The following USH2A variants were observed in gnomAD, a reference collection of about 807,000 sequenced individuals.
The protein encoded by USH2A is usherin, also known as Usher syndrome 2A (autosomal recessive, mild).
USH2A carries 443 observed loss-of-function variants against 538.9 expected under a neutral mutation model. The ratio of observed to expected loss-of-function variants is 0.82; its 90% CI spans 0.76 to 0.89. The LOEUF is 0.89. Among genes scored for constraint, USH2A ranks in the 40% least tolerant of loss-of-function variants. The pLI, the probability that USH2A is intolerant of heterozygous loss-of-function variation, is 0.00. For synonymous variants in USH2A, 2,413 were observed against 2,273.5 expected (o/e 1.06, Z -1.75); for missense variants, 6,633 against 6,324.8 (o/e 1.05, Z -1.65).
chr1:216,241,914 CTTCTT>C (rs2035945969), intron 13 of USH2A, among the ~76,000 whole-genome samples: 1 of 152,130 alleles, frequency 6.6e-6, no homozygotes, highest in African/African-American at 2.4e-5. Context: ...TGCAAATTGT[CTTCTT>C]TTCTTTAGAG....
chr1:216,391,903 CAT>C (rs966481289), intron 3 of USH2A, among the ~76,000 whole-genome samples: 1 of 152,154 alleles, frequency 6.6e-6, no homozygotes. Flanking sequence ...AAACAAGAAA[CAT>C]GTGTTGAGTT....
At chr1:215,643,722 G>A (rs1251376732) in intron 67 of USH2A, among the ~76,000 whole-genome samples, 1 of 151,996 alleles carries the variant, frequency 6.6e-6, no homozygotes, top group African/African-American at 2.4e-5. Flanking sequence ...AGAGATAGGT[G>A]TCTTGATATG....
intron 61 of USH2A, among the ~76,000 whole-genome samples, chr1:215,681,019 G>A (rs1478529017): frequency 2.0e-5 from 3 of 152,060 alleles, no homozygotes; most frequent in African/African-American, 7.2e-5. Context: ...TTTGTTAAAA[G>A]CACCATAAGT....
intron 21 of USH2A, chr1:216,174,699 TC>T: frequency 1.0e-6 from 1 of 986,882 alleles, no homozygotes; most frequent in Non-Finnish European, 1.2e-6. Flanking sequence ...GGATTAGTTT[TC>T]CCCACAATGT....
intron 43 of USH2A, among the ~76,000 whole-genome samples, chr1:215,875,802 T>G (rs2102448671): frequency 6.7e-6 from 1 of 149,866 alleles, no homozygotes. Context: ...CTATTTGAAG[T>G]GATTTCTTTA....
At chr1:215,961,513 G>T (rs1317401250) in intron 37 of USH2A, among the ~76,000 whole-genome samples, 1 of 150,812 alleles carries the variant, frequency 6.6e-6, no homozygotes, top group Non-Finnish European at 1.5e-5. Flanking sequence ...CAGGACTTCT[G>T]GGGTAAAATT....
At chr1:216,295,026 G>A (rs1181796380) in intron 9 of USH2A, among the ~76,000 whole-genome samples, 1 of 151,574 alleles carries the variant, frequency 6.6e-6, no homozygotes, top group East Asian at 1.9e-4. Flanking sequence ...AGAATTTTCA[G>A]CATAATAGTT....
At chr1:215,786,980 T>C in intron 51 of USH2A, 106 bp from the exon 52 acceptor site, 1 of 1,034,960 alleles carries the variant, frequency 9.7e-7, no homozygotes, top group African/African-American at 1.6e-5. Context: ...TTCCTCCACT[T>C]ACTTGATGAA....
chr1:216,114,935 T>G (rs301731), intron 21 of USH2A, among the ~76,000 whole-genome samples: 65,767 of 151,866 alleles, frequency 0.43, 14,977 homozygotes, highest in Non-Finnish European at 0.48. Flanking sequence ...TATCTATGGT[T>G]ATTTAGATGT....
chr1:216,334,693 G>A lies in USH2A; in HGVS notation c.785-7039C>T, dbSNP rs182119713. On this transcript the variant is annotated intron_variant, in intron 4 of 71. Coordinates refer to ENST00000307340, the MANE Select transcript of USH2A (RefSeq NM_206933.4). Reference sequence around the variant, plus strand: ...AGCTTGAGCTCCTATGCTAACATCAGACAAAATAGACTTTAGACAAAATTT... The same window carrying A: ...AGCTTGAGCTCCTATGCTAACATCAAACAAAATAGACTTTAGACAAAATTT... Among the ~76,000 whole-genome samples, 632 of 151,892 alleles carry A rather than the reference G, an allele frequency of 4.2e-3. 3 individuals are homozygous for A. Among genetic ancestry groups the A allele is most frequent in the Non-Finnish European group, 4.9e-3 (333 of 67,796 alleles).
intron 6 of USH2A, 98 bp from the exon 7 acceptor site, chr1:216,324,450 C>T (rs2037689549): frequency 1.7e-6 from 2 of 1,156,034 alleles, no homozygotes; most frequent in Non-Finnish European, 2.5e-6. Flanking sequence ...TATTGGCTCA[C>T]TTCATCATAA....
In USH2A at chr1:216,232,005, G is replaced by A. The variant is rs1455456885; in HGVS notation, c.2941C>T (p.Arg981Cys). The change falls in exon 14 of 72, where the codon CGT (arginine) becomes TGT (cysteine). Residue 981 changes from arginine (R) to cysteine (C), a missense_variant. Physicochemically the swap from Arg to Cys is radical, Grantham distance 180. Coordinates refer to ENST00000307340, the MANE Select transcript of USH2A (RefSeq NM_206933.4). ...TAATGGTCTTTGCATTGGTCACAAC[G>A]TTGCCCAGCAATGGAAGCATCTTGG... ...VCQDASIAGQRCDQCKDHYFG... is the reference protein window; with the variant it reads ...VCQDASIAGQCCDQCKDHYFG... The A allele has an allele frequency of 4.3e-6, 7 of 1,613,924 alleles. No homozygotes were observed. The highest frequency in any genetic ancestry group is 5.1e-6 in the Non-Finnish European group (6 of 1,179,942).
intron 9 of USH2A, among the ~76,000 whole-genome samples, chr1:216,297,284 A>G (rs1365071697): frequency 6.6e-6 from 1 of 152,018 alleles, no homozygotes; most frequent in East Asian, 1.9e-4. Flanking sequence ...TACTACTTTG[A>G]TCGTTATTGG....
At chr1:215,951,320 T>C (rs1237107486) in intron 37 of USH2A, among the ~76,000 whole-genome samples, 1 of 152,216 alleles carries the variant, frequency 6.6e-6, no homozygotes, top group Non-Finnish European at 1.5e-5. Context: ...TACCCAGCAG[T>C]CATTCAGGAG....
chr1:215,818,742 T>C (rs571927642), intron 47 of USH2A, among the ~76,000 whole-genome samples: 31 of 151,838 alleles, frequency 2.0e-4, no homozygotes, highest in Non-Finnish European at 4.3e-4. Context: ...AGTCTCAGGT[T>C]AATGTTACAG....
intron 4 of USH2A, among the ~76,000 whole-genome samples, chr1:216,357,026 T>C (rs1195272888): frequency 6.6e-6 from 1 of 152,128 alleles, no homozygotes; most frequent in Non-Finnish European, 1.5e-5. Flanking sequence ...TCCTTTAGTG[T>C]TTCTGGACAT....
At chr1:216,188,019 TAA>T (rs2034642345) in intron 20 of USH2A, among the ~76,000 whole-genome samples, 1 of 151,906 alleles carries the variant, frequency 6.6e-6, no homozygotes, top group African/African-American at 2.4e-5. Flanking sequence ...TTAGCGAATA[TAA>T]GTTTCCAGTT....
intron 32 of USH2A, among the ~76,000 whole-genome samples, chr1:216,024,129 AACTTT>A (rs1279998625): frequency 6.6e-6 from 1 of 152,110 alleles, no homozygotes; most frequent in Non-Finnish European, 1.5e-5. Context: ...CAGGCAGGCA[AACTTT>A]AAATAATATT....
chr1:216,386,166 G>A (rs147303443), intron 3 of USH2A, among the ~76,000 whole-genome samples: 94 of 152,258 alleles, frequency 6.2e-4, no homozygotes, highest in Middle Eastern at 3.4e-3. Context: ...CAACAATTAT[G>A]AATAACACAA....
Sources: allele counts gnomAD v4.1 joint callset (sites outside exome capture counted in the v4.1 genomes callset), GRCh38; gene constraint gnomAD v4.1.1; transcripts MANE v1.5; gene names NCBI Gene and HGNC (gene_info 2026-07-23, HGNC 2026-07-21).